The following PCDH7 variants were observed in gnomAD, a reference collection of about 807,000 sequenced individuals.
PCDH7 encodes the protein protocadherin 7.
In PCDH7, 17 loss-of-function variants were observed where a neutral mutation model predicts 58.9. That is an observed-to-expected ratio of 0.29 (90% CI 0.20 to 0.43). PCDH7 has a LOEUF of 0.43. PCDH7 is among the 20% of genes least tolerant of loss of function. The probability of loss-of-function intolerance (pLI) is 1.00; values close to 1 mark genes in which losing one functional copy is unlikely to be tolerated. For missense variants in PCDH7, 1,274 were observed against 1,441.0 expected, an observed-to-expected ratio of 0.88 and a Z score of 1.88; for synonymous variants, 664 against 616.4, an observed-to-expected ratio of 1.08 and a Z score of -1.14.
chr4:31,089,510 A>T (rs1373796728), intron 3 of PCDH7, among the ~76,000 whole-genome samples: 3 of 152,060 alleles, frequency 2.0e-5, no homozygotes, highest in Admixed American at 2.0e-4. Context: ...GTGCTATATT[A>T]GATGCTGTAT....
At chr4:31,065,646 G>A (rs1013153879) in intron 3 of PCDH7, among the ~76,000 whole-genome samples, 8 of 151,946 alleles carry the variant, frequency 5.3e-5, no homozygotes, top group Non-Finnish European at 8.8e-5. Context: ...CAATCAGCAC[G>A]TACCGAGTAG....
intron 1 of PCDH7, among the ~76,000 whole-genome samples, chr4:30,871,941 T>A (rs1325725243): frequency 6.6e-6 from 1 of 152,104 alleles, no homozygotes; most frequent in African/African-American, 2.4e-5. Context: ...TCTTTGCATT[T>A]TTGTCCTTAC....
At chr4:30,773,065 A>G (rs1721617206) in intron 1 of PCDH7, among the ~76,000 whole-genome samples, 1 of 152,068 alleles carries the variant, frequency 6.6e-6, no homozygotes, top group South Asian at 2.1e-4. Flanking sequence ...CCACACAACC[A>G]GCTAATTTTT....
At chr4:31,070,961 CA>C (rs1758496788) in intron 3 of PCDH7, among the ~76,000 whole-genome samples, 1 of 152,000 alleles carries the variant, frequency 6.6e-6, no homozygotes, top group Admixed American at 6.6e-5. Flanking sequence ...AGACATTATG[CA>C]GTGTTTAGCT....
chr4:31,016,783 TTG>T (rs142533678), intron 3 of PCDH7, among the ~76,000 whole-genome samples: 81 of 150,630 alleles, frequency 5.4e-4, no homozygotes, highest in African/African-American at 1.2e-3. Context: ...ATAAGGGCTA[TTG>T]TGTGTGTGTG....
chr4:30,722,352 G>C lies in PCDH7; in HGVS notation c.930G>C (p.Lys310Asn), dbSNP rs754588208. Residue 310 changes from lysine (K) to asparagine (N), a missense_variant, in exon 1 of 2, where the codon AAG becomes AAC. By Grantham distance (94) the Lys-to-Asn change is moderately conservative. This residue lies in a region of PCDH7 where 331 missense variants were observed against 303.2 expected (regional missense o/e 1.09). Coordinates refer to ENST00000361762, the Ensembl canonical transcript of PCDH7. The surrounding 1 kb of genome is among the most constrained non-coding windows in gnomAD (Gnocchi z 7.6). ...ACGACAACAGCCCCCGCTTCGAGAA[G>C]AGCGTGTACGAGGCCGACTTGGCTG... 1.2e-6 allele frequency: 2 copies of C among 1,612,252 alleles called. No homozygotes were observed. Among genetic ancestry groups the C allele is most frequent in the Non-Finnish European group, 1.7e-6 (2 of 1,179,794 alleles).
chr4:30,855,646 G>A (rs1214840602), intron 1 of PCDH7, among the ~76,000 whole-genome samples: 3 of 152,168 alleles, frequency 2.0e-5, no homozygotes, highest in Non-Finnish European at 2.9e-5. Flanking sequence ...TGTTAAAGAG[G>A]ATGATCTTTT....
chr4:30,773,129 C>G (rs752982691), intron 1 of PCDH7, among the ~76,000 whole-genome samples: 6 of 152,186 alleles, frequency 3.9e-5, no homozygotes, highest in Non-Finnish European at 7.3e-5. Context: ...TCTCAACCTC[C>G]TGACTTCAAG....
chr4:31,000,758 G>A (rs570009975), intron 3 of PCDH7, among the ~76,000 whole-genome samples: 8 of 152,132 alleles, frequency 5.3e-5, no homozygotes, highest in East Asian at 1.9e-4. Flanking sequence ...AACAACACAA[G>A]TTCCATCTAT....
At chr4:31,024,376 T>C (rs1382619189) in intron 3 of PCDH7, among the ~76,000 whole-genome samples, 2 of 152,166 alleles carry the variant, frequency 1.3e-5, no homozygotes, top group Non-Finnish European at 2.9e-5. Flanking sequence ...CAGGTTACTA[T>C]TCAATGTTCC....
chr4:30,839,217 CTAAG>C (rs1297570005), intron 1 of PCDH7, among the ~76,000 whole-genome samples: 1 of 151,792 alleles, frequency 6.6e-6, no homozygotes, highest in Non-Finnish European at 1.5e-5. Flanking sequence ...TTAATAATTA[CTAAG>C]TATTTTGGAC....
At chr4:30,792,655 A>C (rs7700046) in intron 1 of PCDH7, among the ~76,000 whole-genome samples, 4 of 151,912 alleles carry the variant, frequency 2.6e-5, no homozygotes, top group Non-Finnish European at 5.9e-5. Flanking sequence ...GATCAGGTAC[A>C]GCTCAGTCTG....
chr4:30,833,111 T>G (rs1412836541), intron 1 of PCDH7, among the ~76,000 whole-genome samples: 2 of 152,074 alleles, frequency 1.3e-5, no homozygotes, highest in African/African-American at 2.4e-5. Context: ...GAATGTGTTT[T>G]TGTGTGTGTG....
chr4:31,056,505 G>GAAAGAAAGAAAGAAAT (rs1757238749), intron 3 of PCDH7, among the ~76,000 whole-genome samples: 1 of 115,120 alleles, frequency 8.7e-6, no homozygotes, highest in Non-Finnish European at 1.8e-5. Flanking sequence ...AAGAAAGAAA[G>GAAAGAAAGAAAGAAAT]AAAGAAAGAA....
intron 1 of PCDH7, among the ~76,000 whole-genome samples, chr4:30,879,161 TCCTC>T (rs1385662425): frequency 1.3e-5 from 2 of 152,120 alleles, no homozygotes; most frequent in East Asian, 1.9e-4. Context: ...CCTCCTGTTT[TCCTC>T]CCTCCCTCCC....
At chr4:31,060,789 T>C (rs573626406) in intron 3 of PCDH7, among the ~76,000 whole-genome samples, 1 of 151,770 alleles carries the variant, frequency 6.6e-6, no homozygotes, top group African/African-American at 2.4e-5. Context: ...GATGAAAATG[T>C]TGATTTAGTT....
chr4:31,114,798 G>T (rs923254234), intron 3 of PCDH7, among the ~76,000 whole-genome samples: 1 of 152,020 alleles, frequency 6.6e-6, no homozygotes, highest in African/African-American at 2.4e-5. Flanking sequence ...TATTTAATCA[G>T]ACTCCTTAAA....
intron 3 of PCDH7, among the ~76,000 whole-genome samples, chr4:31,035,503 C>T (rs6836516): frequency 0.59 from 89,284 of 151,986 alleles, 27,744 homozygotes; most frequent in African/African-American, 0.79. Flanking sequence ...ATTCACTCGC[C>T]TCAGCCTCCC....
At chr4:31,031,032 C>A (rs547336448) in intron 3 of PCDH7, among the ~76,000 whole-genome samples, 1 of 151,888 alleles carries the variant, frequency 6.6e-6, no homozygotes, top group South Asian at 2.1e-4. Context: ...AAGATCTGCA[C>A]AAAAGTACGT....
Sources: allele counts gnomAD v4.1 joint callset (sites outside exome capture counted in the v4.1 genomes callset), GRCh38; gene constraint gnomAD v4.1.1; regional missense constraint gnomAD v4.1.1; non-coding constraint Gnocchi (gnomAD v3.1); transcripts MANE v1.5; gene names NCBI Gene and HGNC (gene_info 2026-07-23, HGNC 2026-07-21).